The following DENND2B variants were observed in gnomAD, a reference collection of about 807,000 sequenced individuals.
DENND2B encodes DENN domain-containing protein 2B.
Under a neutral mutation model 116.0 loss-of-function variants are expected in DENND2B, and 32 were observed. The ratio of observed to expected loss-of-function variants is 0.28; its 90% confidence interval spans 0.21 to 0.37. The LOEUF is 0.37. DENND2B is among the 10% of genes least tolerant of loss of function. The probability of loss-of-function intolerance (pLI) is 1.00; values close to 1 mark genes in which losing one functional copy is unlikely to be tolerated. For missense variants in DENND2B, 1,276 were observed against 1,477.7 expected, an observed-to-expected ratio of 0.86 and a Z score of 2.24; for synonymous variants, 588 against 583.9, an observed-to-expected ratio of 1.01 and a Z score of -0.10.
intron 1 of DENND2B, among the ~76,000 whole-genome samples, chr11:8,761,530 T>C (rs892286837): frequency 4.6e-5 from 7 of 152,218 alleles, no homozygotes; most frequent in Non-Finnish European, 7.3e-5. Flanking sequence ...TGGATGACAT[T>C]TCCTGCACAT....
chr11:8,833,499 AT>A (rs2062297933), intron 4 of DENND2B, among the ~76,000 whole-genome samples: 1 of 152,124 alleles, frequency 6.6e-6, no homozygotes, highest in Non-Finnish European at 1.5e-5. Context: ...GAAAACCTTA[AT>A]CAGTTGCTAG....
intron 1 of DENND2B, among the ~76,000 whole-genome samples, chr11:8,761,290 A>C (rs140669264): frequency 6.8e-4 from 104 of 152,332 alleles, no homozygotes; most frequent in Non-Finnish European, 7.5e-4. Context: ...CAAGTGGCTT[A>C]TCCTAGCTCT....
At chr11:8,697,823 T>C in intron 16 of DENND2B, 187 bp from the exon 17 acceptor site, 1 of 607,172 alleles carries the variant, frequency 1.6e-6, no homozygotes, top group South Asian at 1.9e-5. Flanking sequence ...TTGCCCAAGA[T>C]TACAGAGATT....
At chr11:8,806,777 T>A (rs541872997) in intron 1 of DENND2B, among the ~76,000 whole-genome samples, 1 of 151,878 alleles carries the variant, frequency 6.6e-6, no homozygotes, top group Admixed American at 6.6e-5. Flanking sequence ...CAGACACACA[T>A]AGCACCTCCC....
intron 1 of DENND2B, among the ~76,000 whole-genome samples, chr11:8,759,183 C>T (rs529850163): frequency 6.6e-6 from 1 of 152,338 alleles, no homozygotes; most frequent in Non-Finnish European, 1.5e-5. Context: ...GGGTGCCCCA[C>T]CTCTAAGAAT....
intron 3 of DENND2B, among the ~76,000 whole-genome samples, chr11:8,727,603 C>A (rs1344527881): frequency 1.3e-5 from 2 of 152,192 alleles, no homozygotes; most frequent in African/African-American, 2.4e-5. Context: ...GCCATATCTA[C>A]CATCTCTATC....
intron 1 of DENND2B, among the ~76,000 whole-genome samples, chr11:8,765,765 C>T (rs1294853355): frequency 6.6e-6 from 1 of 152,122 alleles, no homozygotes; most frequent in Non-Finnish European, 1.5e-5. Context: ...AGGCCAGGCA[C>T]AGTGGCTCAC....
chr11:8,844,344 G>A (rs563239648), intron 3 of DENND2B, among the ~76,000 whole-genome samples: 21 of 152,308 alleles, frequency 1.4e-4, no homozygotes, highest in African/African-American at 4.3e-4. Flanking sequence ...AGGCTGCAGT[G>A]AGCCATGATT....
rs191733724 is a variant in DENND2B, at chr11:8,736,748, T to C, written c.81-5539A>G. Among the ~76,000 whole-genome samples the C allele has an allele frequency of 1.3e-4, 19 of 151,234 alleles. No homozygotes were observed. The East Asian group carries it at 3.7e-3, about 29-fold the overall frequency. On this transcript the variant is annotated intron_variant, in intron 2 of 19. Transcript: ENST00000313726. ...AACAAGGAGGCCAGTGTGGCCAGAG[T>C]GGAGGGAAACAATGAAGTGTGGGCT...
In DENND2B at chr11:8,694,087, G is replaced by A. The variant is rs2039874742; in HGVS notation, c.*9C>T. ...GCAAGGCACTGGACTCTGCTACTGA[G>A]AAGGAGGCTTAATTCTTCTTGTGGA... is the stretch of plus-strand genomic sequence containing the variant. On this transcript the variant is annotated 3_prime_UTR_variant, in exon 20 of 20. Coordinates refer to ENST00000313726, the MANE Select transcript of DENND2B (RefSeq NM_213618.2). 1.2e-6 allele frequency: 2 copies of A among 1,614,060 alleles called. No homozygotes were observed. The highest frequency in any genetic ancestry group is 1.7e-6 in the Non-Finnish European group (2 of 1,180,040).
At chr11:8,814,191 TA>T (rs2061489681), upstream of DENND2B, among the ~76,000 whole-genome samples, 1 of 151,828 alleles carries the variant, frequency 6.6e-6, no homozygotes, top group Non-Finnish European at 1.5e-5. Context: ...TCTCTCACCT[TA>T]ATTATTGCAA....
intron 2 of DENND2B, among the ~76,000 whole-genome samples, chr11:8,876,878 CAAAAAAAAAAAAA>C (rs34676489): frequency 4.1e-5 from 5 of 122,700 alleles, no homozygotes; most frequent in Non-Finnish European, 8.6e-5. Flanking sequence ...GATTCCGTCT[CAAAAAAAAAAAAA>C]AAGAAAGAAA....
At chr11:8,701,242 C>A (rs1430808962) in intron 14 of DENND2B, among the ~76,000 whole-genome samples, 1 of 151,860 alleles carries the variant, frequency 6.6e-6, no homozygotes, top group Non-Finnish European at 1.5e-5. Flanking sequence ...CTTGCCCCTA[C>A]AGGTGCCTAG....
chr11:8,853,655 C>T (rs1349288816), intron 3 of DENND2B, among the ~76,000 whole-genome samples: 1 of 151,782 alleles, frequency 6.6e-6, no homozygotes, highest in Non-Finnish European at 1.5e-5. Flanking sequence ...GAAAAGTGAA[C>T]GTAATTGAAA....
chr11:8,811,217 G>A (rs1660739867), upstream of DENND2B: 1 of 398,450 alleles, frequency 2.5e-6, no homozygotes, highest in African/African-American at 2.1e-5. Flanking sequence ...CACATCCCAG[G>A]AGCTCGCCTG....
At chr11:8,869,218 T>A (rs1241799163) in intron 2 of DENND2B, among the ~76,000 whole-genome samples, 1 of 152,230 alleles carries the variant, frequency 6.6e-6, no homozygotes, top group East Asian at 1.9e-4. Context: ...ATCTAAGCGT[T>A]CAGTAAAAAA....
At chr11:8,758,821 C>A (rs1361318982) in intron 1 of DENND2B, among the ~76,000 whole-genome samples, 2 of 152,302 alleles carry the variant, frequency 1.3e-5, no homozygotes, top group Middle Eastern at 6.8e-3. Flanking sequence ...GACCTCCCAA[C>A]CAGCAGGTAA....
chr11:8,893,856 G>C (rs893257604), intron 1 of DENND2B, among the ~76,000 whole-genome samples: 24 of 152,152 alleles, frequency 1.6e-4, no homozygotes, highest in African/African-American at 4.8e-4. Flanking sequence ...CCATCCCCAT[G>C]AAGCTACCAA....
chr11:8,818,515 G>C (rs2061656274), intron 4 of DENND2B, among the ~76,000 whole-genome samples: 1 of 152,056 alleles, frequency 6.6e-6, no homozygotes, highest in African/African-American at 2.4e-5. Context: ...AAGGCTGTAG[G>C]AAGTGTGAGC....
Sources: allele counts gnomAD v4.1 joint callset (sites outside exome capture counted in the v4.1 genomes callset), GRCh38; gene constraint gnomAD v4.1.1; transcripts MANE v1.5; gene names NCBI Gene and HGNC (gene_info 2026-07-23, HGNC 2026-07-21).